The following PPARGC1A variants were observed in gnomAD, a reference collection of about 807,000 sequenced individuals.
PPARGC1A encodes the protein PPARG coactivator 1 alpha.
A neutral mutation model predicts 88.7 loss-of-function variants in PPARGC1A; 25 were observed. That is an observed-to-expected ratio of 0.28 (90% confidence interval 0.21 to 0.39). The LOEUF is 0.39. PPARGC1A is among the 10% of genes least tolerant of loss of function. The probability of loss-of-function intolerance (pLI) is 1.00; values close to 1 mark genes in which losing one functional copy is unlikely to be tolerated. For missense variants in PPARGC1A, 880 were observed against 968.7 expected (o/e 0.91, Z 1.22); for synonymous variants, 363 against 355.6 (o/e 1.02, Z -0.24).
intron 7 of PPARGC1A, among the ~76,000 whole-genome samples, chr4:23,819,981 C>T (rs1276608038): frequency 6.6e-5 from 10 of 152,170 alleles, no homozygotes; most frequent in Non-Finnish European, 1.3e-4. Flanking sequence ...CAAAAGGCTA[C>T]AGCCGTTTGT....
intron 2 of PPARGC1A, among the ~76,000 whole-genome samples, chr4:23,836,123 A>G (rs953798230): frequency 6.6e-6 from 1 of 152,212 alleles, no homozygotes; most frequent in Non-Finnish European, 1.5e-5. Context: ...TACAAAAAAT[A>G]TATGTCTTAG....
At chr4:23,954,025 C>A in the PPARGC1A span, among the ~76,000 whole-genome samples, 49 of 152,022 alleles carry the variant, frequency 3.2e-4, no homozygotes, top group Non-Finnish European at 6.2e-4. Context: ...CACCTAACCC[C>A]TTATACTAAG....
the PPARGC1A span, among the ~76,000 whole-genome samples, chr4:24,023,246 C>A: frequency 6.6e-6 from 1 of 151,208 alleles, no homozygotes; most frequent in Non-Finnish European, 1.5e-5. Context: ...TATTTAAGAT[C>A]AAATTCATTT....
chr4:23,823,587 G>C (rs1723396161), intron 7 of PPARGC1A, among the ~76,000 whole-genome samples: 1 of 151,984 alleles, frequency 6.6e-6, no homozygotes, highest in Non-Finnish European at 1.5e-5. Context: ...ATATATGTAA[G>C]TTATAATGTA....
the PPARGC1A span, among the ~76,000 whole-genome samples, chr4:23,977,726 G>A: frequency 9.9e-5 from 15 of 152,280 alleles, no homozygotes; most frequent in South Asian, 2.7e-3. Context: ...TGGATAGCTC[G>A]AAGAGAAATA....
chr4:24,117,682 C>T, the PPARGC1A span, among the ~76,000 whole-genome samples: 1 of 151,530 alleles, frequency 6.6e-6, no homozygotes, highest in South Asian at 2.1e-4. Context: ...TAATATCTGC[C>T]GCTTGATATG....
the PPARGC1A span, among the ~76,000 whole-genome samples, chr4:24,469,568 C>A: frequency 3.3e-5 from 5 of 152,232 alleles, no homozygotes; most frequent in African/African-American, 1.2e-4. Flanking sequence ...CCTCTCCCCA[C>A]CATACAATTT....
the PPARGC1A span, among the ~76,000 whole-genome samples, chr4:24,213,640 T>A: frequency 6.6e-6 from 1 of 152,140 alleles, no homozygotes; most frequent in Admixed American, 6.5e-5. Flanking sequence ...AAGCAACTTA[T>A]AAAATTGATG....
At chr4:23,875,528 T>C (rs139568080) in intron 2 of PPARGC1A, among the ~76,000 whole-genome samples, 44 of 152,060 alleles carry the variant, frequency 2.9e-4, no homozygotes, top group African/African-American at 9.4e-4. Context: ...ATCACATACA[T>C]TCATTTCTCA....
the PPARGC1A span, among the ~76,000 whole-genome samples, chr4:24,433,087 T>C: frequency 1.3e-5 from 2 of 152,156 alleles, no homozygotes; most frequent in Admixed American, 6.5e-5. Flanking sequence ...GAGAGAGAAA[T>C]TTGCTTTTGT....
chr4:24,425,010 T>C, the PPARGC1A span, among the ~76,000 whole-genome samples: 2 of 152,216 alleles, frequency 1.3e-5, no homozygotes, highest in Non-Finnish European at 2.9e-5. Context: ...TGGATTCAAA[T>C]TTTCCCTGAT....
chr4:23,826,621 A>C (rs899145714), intron 5 of PPARGC1A, among the ~76,000 whole-genome samples: 2 of 152,294 alleles, frequency 1.3e-5, no homozygotes, highest in South Asian at 2.1e-4. Flanking sequence ...ATTTTGAATA[A>C]TAATTCAAAT....
In PPARGC1A at chr4:23,868,208, C is replaced by T. The variant is rs572078472; in HGVS notation, c.234+16544G>A. On this transcript the variant is annotated intron_variant, in intron 2 of 12. Transcript: ENST00000264867. Reference sequence around the variant, plus strand: ...GCGCCTTTACCCGCCAATGCACATTCGCTTAACACAACCACATGTCTCCCA... The same window carrying T: ...GCGCCTTTACCCGCCAATGCACATTTGCTTAACACAACCACATGTCTCCCA... Among the ~76,000 whole-genome samples the T allele has an allele frequency of 1.5e-3, 232 of 152,278 alleles. 1 individual carries two copies. The highest frequency in any genetic ancestry group is 5.2e-3 in the African/African-American group (215 of 41,560).
At chr4:24,271,512 G>C in the PPARGC1A span, among the ~76,000 whole-genome samples, 2 of 151,984 alleles carry the variant, frequency 1.3e-5, no homozygotes, top group African/African-American at 4.8e-5. Context: ...CAAGTAGCTG[G>C]GACTACAGGC....
chr4:24,356,966 T>C, the PPARGC1A span, among the ~76,000 whole-genome samples: 9 of 152,106 alleles, frequency 5.9e-5, no homozygotes, highest in Admixed American at 5.2e-4. Context: ...ATAAGGGAAG[T>C]ATTGAAGTGC....
At chr4:24,027,061 C>T in the PPARGC1A span, among the ~76,000 whole-genome samples, 1 of 152,060 alleles carries the variant, frequency 6.6e-6, no homozygotes, top group Non-Finnish European at 1.5e-5. Context: ...CTTACAGACT[C>T]ATAGGCTTTT....
the PPARGC1A span, among the ~76,000 whole-genome samples, chr4:24,341,387 A>T: frequency 2.6e-5 from 4 of 152,136 alleles, no homozygotes; most frequent in Non-Finnish European, 5.9e-5. Flanking sequence ...AAATTGGCAC[A>T]TATATTTTAA....
the PPARGC1A span, among the ~76,000 whole-genome samples, chr4:23,924,539 T>C: frequency 1.3e-5 from 2 of 151,944 alleles, no homozygotes; most frequent in Admixed American, 6.6e-5. Flanking sequence ...GGAGAATCAC[T>C]TGAACCCAGG....
chr4:24,445,060 AAGAGAG>A, the PPARGC1A span, among the ~76,000 whole-genome samples: 1 of 151,058 alleles, frequency 6.6e-6, no homozygotes, highest in Non-Finnish European at 1.5e-5. Context: ...CTCAAAAAAA[AAGAGAG>A]AGAGAGAGAG....
Sources: gnomAD v4.1 joint callset for allele counts (sites outside exome capture counted in the v4.1 genomes callset) on GRCh38, gnomAD v4.1.1 for gene constraint, MANE v1.5 for transcripts, NCBI Gene and HGNC (gene_info 2026-07-23, HGNC 2026-07-21) for gene names.